Variants in ERN1 observed in about 807,000 individuals in gnomAD.
ERN1 encodes endoplasmic reticulum to nucleus signaling 1.
In ERN1, 39 loss-of-function variants were observed where a neutral mutation model predicts 113.1. The observed-to-expected ratio is 0.34, with a 90% CI of 0.27 to 0.45. The LOEUF (loss-of-function observed/expected upper bound fraction) is 0.45, where lower values mean the gene tolerates loss of function less well. Among genes scored for constraint, ERN1 ranks in the 20% least tolerant of loss-of-function variants. ERN1 has a pLI of 1.00. For missense variants in ERN1, 976 were observed against 1,274.8 expected (o/e 0.77, Z 3.57); for synonymous variants, 507 against 515.9 (o/e 0.98, Z 0.23).
intron 1 of ERN1, among the ~76,000 whole-genome samples, chr17:64,124,032 C>A: frequency 6.6e-6 from 1 of 152,108 alleles, no homozygotes; most frequent in Admixed American, 6.5e-5. Context: ...AAATGCAAAT[C>A]AAAGCTATAA....
At chr17:64,052,749 A>G in intron 17 of ERN1, 31 bp downstream of exon 17, 2 of 1,588,544 alleles carry the variant, frequency 1.3e-6, no homozygotes, top group Non-Finnish European at 1.7e-6. Context: ...CTGGTTCTGT[A>G]GTTTTCAAAG....
intron 2 of ERN1, among the ~76,000 whole-genome samples, chr17:64,081,471 T>C (rs1196973384): frequency 1.3e-5 from 2 of 152,184 alleles, no homozygotes; most frequent in Non-Finnish European, 2.9e-5. Flanking sequence ...TTATAGAATG[T>C]CCACTTGGCA....
chr17:64,075,679 G>A lies in ERN1; in HGVS notation c.283-432C>T, dbSNP rs551589560. Reference sequence around the variant, plus strand: ...ACTCCTTTACTTGACACCATGTGCAGAGGCCCCTCAAGGTCTCCTGTCCAG... The same window carrying A: ...ACTCCTTTACTTGACACCATGTGCAAAGGCCCCTCAAGGTCTCCTGTCCAG... On this transcript the variant is annotated intron_variant, in intron 4 of 21. Transcript: ENST00000433197. Among the ~76,000 whole-genome samples the A allele has an allele frequency of 5.3e-5, 8 of 152,356 alleles. 1 individual carries two copies. In the East Asian group the frequency reaches 1.5e-3, roughly 29 times the overall value.
intron 12 of ERN1, among the ~76,000 whole-genome samples, chr17:64,056,853 G>T (rs1912887945): frequency 1.3e-5 from 2 of 152,320 alleles, no homozygotes; most frequent in South Asian, 4.1e-4. Flanking sequence ...GAGGTGAAAA[G>T]TGAAACTATC....
chr17:64,103,034 T>C (rs1352536010), intron 1 of ERN1: 57 of 816,838 alleles, frequency 7.0e-5, no homozygotes, highest in Non-Finnish European at 8.4e-5. Flanking sequence ...CATTAGCTAA[T>C]TGGTCCCCAC....
intron 1 of ERN1, among the ~76,000 whole-genome samples, chr17:64,110,058 G>A (rs1914633034): frequency 6.6e-6 from 1 of 152,102 alleles, no homozygotes; most frequent in Admixed American, 6.6e-5. Flanking sequence ...TTTAAAAAAT[G>A]TTCAGCATGA....
Position 64,057,826 on chromosome 17 carries a change from C to T in ERN1, c.1374G>A (p.Val458=). 6.2e-7 allele frequency: 1 copy of T among 1,613,854 alleles called. No individual in the cohort carries two copies. The highest frequency in any genetic ancestry group is 1.3e-5 in the African/African-American group (1 of 75,046). ...ILSTFLLIGW[V]AFIITYPLSM... ...CCAGGGGATAGGTGATGATGAAGGC[C>T]ACCCAGCCAATCAGCAGGAAGGTGC... The change falls in exon 12 of 22, where the codon GTG becomes GTA. Residue 458 remains valine, a synonymous_variant. Transcript: ENST00000433197.
intron 15 of ERN1, 34 bp from the exon 16 acceptor site, chr17:64,053,405 C>A: frequency 6.6e-7 from 1 of 1,522,804 alleles, no homozygotes; most frequent in Non-Finnish European, 8.9e-7. Context: ...TCACGGCACA[C>A]AGTCCTCAGG....
At chr17:64,065,088 G>C in intron 9 of ERN1, 121 bp downstream of exon 9, 1 of 640,038 alleles carries the variant, frequency 1.6e-6, no homozygotes, top group Non-Finnish European at 2.7e-6. Context: ...CTGTTTTTGA[G>C]AACTTAAGAT....
intron 4 of ERN1, among the ~76,000 whole-genome samples, chr17:64,078,114 T>C (rs1360324034): frequency 6.6e-6 from 1 of 152,170 alleles, no homozygotes; most frequent in Non-Finnish European, 1.5e-5. Context: ...TGCCAACAGT[T>C]TTCCAAATCA....
At chr17:64,058,670 T>G (rs112841857) in intron 11 of ERN1, among the ~76,000 whole-genome samples, 18 of 152,148 alleles carry the variant, frequency 1.2e-4, no homozygotes, top group African/African-American at 4.1e-4. Context: ...AAAAATGCAT[T>G]GACTCACTTT....
At chr17:64,103,030 C>T in intron 1 of ERN1, 1 of 843,394 alleles carries the variant, frequency 1.2e-6, no homozygotes, top group Non-Finnish European at 1.4e-6. Flanking sequence ...CATCCATTAG[C>T]TAATTGGTCC....
At position 64,096,642 on chromosome 17, in the gene ERN1, T is replaced by A. The variant is rs116839153; in HGVS notation, c.175+1479A>T. Among the ~76,000 whole-genome samples the A allele has an allele frequency of 4.6e-3, 704 of 152,318 alleles. 4 individuals are homozygous for A. The highest frequency in any genetic ancestry group is 0.016 in the African/African-American group (666 of 41,558). ...GGTTGGGCACTGCTGCTATACAGTA[T>A]CTCTCACATTCTAGGTTCTCTAAAT... On this transcript the variant is annotated intron_variant, in intron 2 of 21. Transcript: ENST00000433197.
In ERN1 at chr17:64,052,895, C is replaced by T. The variant is rs760327608; in HGVS notation, c.2138G>A (p.Gly713Asp). The change falls in exon 17 of 22, where the codon GGC (glycine) becomes GAC (aspartate). Residue 713 changes from glycine (G) to aspartate (D), a missense_variant. This residue lies in a region of ERN1 where 297 missense variants were observed against 457.8 expected (regional missense o/e 0.65). Coordinates refer to ENST00000433197, the MANE Select transcript of ERN1 (RefSeq NM_001433.5). ...GCCCACTGCCAGCTTCTTGCAGAGG[C>T]CAAAGTCGGAGATCATGGCCTTGAT... is the stretch of plus-strand genomic sequence containing the variant. ...GKIKAMISDF[G>D]LCKKLAVGRH... is the part of the protein sequence containing the mutation. 1 of 1,613,938 alleles carries T rather than the reference C, an allele frequency of 6.2e-7. No individual in the cohort carries two copies. The highest frequency in any genetic ancestry group is 2.2e-5 in the East Asian group (1 of 44,864).
intron 3 of ERN1, 182 bp downstream of exon 3, chr17:64,080,593 G>A (rs992185209): frequency 1.8e-5 from 10 of 556,600 alleles, no homozygotes; most frequent in Non-Finnish European, 2.8e-5. Flanking sequence ...TCTCCCTCAG[G>A]AAACTGACCA....
chr17:64,088,032 C>T (rs926728380), intron 2 of ERN1, among the ~76,000 whole-genome samples: 1 of 152,212 alleles, frequency 6.6e-6, no homozygotes, highest in Admixed American at 6.5e-5. Flanking sequence ...TCGAGATTGA[C>T]GGCCTCTCTC....
At chr17:64,051,073 T>C (rs1020130719) in intron 17 of ERN1, among the ~76,000 whole-genome samples, 1 of 151,530 alleles carries the variant, frequency 6.6e-6, no homozygotes, top group South Asian at 2.1e-4. Flanking sequence ...GAACAATTTG[T>C]GTATCAAAAG....
chr17:64,127,388 C>T (rs1320296966), intron 1 of ERN1, among the ~76,000 whole-genome samples: 1 of 152,164 alleles, frequency 6.6e-6, no homozygotes, highest in Non-Finnish European at 1.5e-5. Context: ...ATCTATTAAG[C>T]ACGTGTGAAG....
intron 2 of ERN1, among the ~76,000 whole-genome samples, chr17:64,090,225 A>T (rs778447148): frequency 1.8e-4 from 28 of 152,342 alleles, no homozygotes; most frequent in Non-Finnish European, 1.8e-4. Context: ...TAATCTCAGC[A>T]GAACTGGAAA....
Sources: allele counts gnomAD v4.1 joint callset (sites outside exome capture counted in the v4.1 genomes callset), GRCh38; gene constraint gnomAD v4.1.1; regional missense constraint gnomAD v4.1.1; transcripts MANE v1.5; gene names NCBI Gene and HGNC (gene_info 2026-07-23, HGNC 2026-07-21).